The following ADGRL3 variants were observed in gnomAD, a reference collection of about 807,000 sequenced individuals.
ADGRL3 encodes the protein calcium-independent alpha-latrotoxin receptor 3.
ADGRL3 carries 62 observed loss-of-function variants against 153.5 expected under a neutral mutation model. The ratio of observed to expected loss-of-function variants is 0.40; its 90% CI spans 0.33 to 0.50. The LOEUF is 0.50. Ranked by LOEUF, ADGRL3 falls within the 20% of genes least tolerant of loss-of-function variation. ADGRL3 has a pLI of 0.47. For synonymous variants in ADGRL3, 710 were observed against 672.5 expected (o/e 1.06, Z -0.86); for missense variants, 1,641 against 1,859.4 (o/e 0.88, Z 2.16).
chr4:61,796,019 C>A (rs2097406682), intron 8 of ADGRL3, among the ~76,000 whole-genome samples: 1 of 151,966 alleles, frequency 6.6e-6, no homozygotes, highest in South Asian at 2.1e-4. Context: ...ATTTTTGTAT[C>A]TTTAGTAGAG....
chr4:61,313,191 A>G (rs1316839792), intron 1 of ADGRL3, among the ~76,000 whole-genome samples: 4 of 152,328 alleles, frequency 2.6e-5, no homozygotes, highest in South Asian at 2.1e-4. Context: ...ATTTTGGGAA[A>G]GGCAAGCTAT....
At chr4:61,734,142 AT>A (rs1438302292) in intron 8 of ADGRL3, among the ~76,000 whole-genome samples, 3 of 152,164 alleles carry the variant, frequency 2.0e-5, no homozygotes, top group African/African-American at 7.2e-5. Context: ...AGACATTGCA[AT>A]TTTTTATAGA....
At chr4:61,971,878 G>A (rs2099029226) in intron 17 of ADGRL3, among the ~76,000 whole-genome samples, 1 of 152,186 alleles carries the variant, frequency 6.6e-6, no homozygotes, top group Admixed American at 6.5e-5. Flanking sequence ...ATCTCATTGT[G>A]GTTTTGATTT....
At chr4:61,979,213 T>G (rs1050098965) in intron 17 of ADGRL3, among the ~76,000 whole-genome samples, 2 of 152,168 alleles carry the variant, frequency 1.3e-5, no homozygotes, top group African/African-American at 4.8e-5. Context: ...TGAAAATTAG[T>G]CTAAAAAAGT....
chr4:61,534,617 C>G (rs2098643836), intron 4 of ADGRL3, among the ~76,000 whole-genome samples: 1 of 152,028 alleles, frequency 6.6e-6, no homozygotes, highest in Non-Finnish European at 1.5e-5. Flanking sequence ...TTTCATTCAT[C>G]AGTGTTTTGT....
At chr4:61,995,836 A>G (rs944672721) in intron 19 of ADGRL3, among the ~76,000 whole-genome samples, 1 of 152,174 alleles carries the variant, frequency 6.6e-6, no homozygotes, top group Non-Finnish European at 1.5e-5. Context: ...CAATCTTCTG[A>G]TACCAAATTT....
intron 1 of ADGRL3, among the ~76,000 whole-genome samples, chr4:61,278,329 G>C (rs1345996248): frequency 1.3e-5 from 2 of 151,964 alleles, no homozygotes; most frequent in African/African-American, 4.8e-5. Context: ...TCAAAACCCT[G>C]GAGTTTTGAG....
chr4:61,362,909 T>C (rs1294778801), intron 1 of ADGRL3, among the ~76,000 whole-genome samples: 1 of 152,210 alleles, frequency 6.6e-6, no homozygotes, highest in Non-Finnish European at 1.5e-5. Context: ...TCTCCATGTC[T>C]ATTGCTAATG....
intron 25 of ADGRL3, among the ~76,000 whole-genome samples, chr4:62,051,131 G>GTA (rs1348674461): frequency 2.1e-5 from 3 of 139,670 alleles, no homozygotes; most frequent in East Asian, 2.1e-4. Context: ...ATATATATGT[G>GTA]TGTATATATA....
At chr4:62,008,737 AT>A (rs371209216) in intron 21 of ADGRL3, among the ~76,000 whole-genome samples, 37 of 151,680 alleles carry the variant, frequency 2.4e-4, no homozygotes, top group South Asian at 2.1e-3. Flanking sequence ...ATGTGTGTGT[AT>A]ATATAGATAC....
intron 1 of ADGRL3, among the ~76,000 whole-genome samples, chr4:61,254,626 A>C (rs546391148): frequency 1.3e-5 from 2 of 152,208 alleles, no homozygotes; most frequent in East Asian, 3.9e-4. Context: ...CCCTCACTGC[A>C]CGGTTGTACA....
intron 1 of ADGRL3, among the ~76,000 whole-genome samples, chr4:61,279,721 T>G (rs542509491): frequency 6.6e-6 from 1 of 152,242 alleles, no homozygotes; most frequent in African/African-American, 2.4e-5. Context: ...GTCCATCTAT[T>G]ATGTATATAT....
chr4:62,037,427 G>T (rs996309370), intron 23 of ADGRL3, among the ~76,000 whole-genome samples: 1 of 152,012 alleles, frequency 6.6e-6, no homozygotes, highest in African/African-American at 2.4e-5. Flanking sequence ...TCTTCAATGG[G>T]CTTAAGTATA....
At position 61,726,844 on chromosome 4, in the gene ADGRL3, A is replaced by G. The variant is rs376526572; in HGVS notation, c.584-3778A>G. ...TAGATTACAGAAATATGGGGGCATT[A>G]TTGGATTGTAACATTCTGCATTGTA... On this transcript the variant is annotated intron_variant, in intron 6 of 26. Coordinates refer to ENST00000683033, the MANE Select transcript of ADGRL3 (RefSeq NM_001387552.1). 3.3e-5 allele frequency among the ~76,000 whole-genome samples: 5 copies of G among 152,256 alleles called. No individual in the cohort carries two copies. In the East Asian group the frequency reaches 9.6e-4, roughly 29 times the overall value.
chr4:61,705,432 T>G (rs2095840769), intron 6 of ADGRL3, among the ~76,000 whole-genome samples: 1 of 148,838 alleles, frequency 6.7e-6, no homozygotes, highest in Admixed American at 6.7e-5. Context: ...GTTATATGTA[T>G]TAGTTATATG....
chr4:61,517,372 G>A lies in ADGRL3; in HGVS notation c.113G>A (p.Arg38His). 1.4e-6 allele frequency: 1 copy of A among 708,062 alleles called. No homozygotes were observed. The highest frequency in any genetic ancestry group is 2.6e-6 in the Non-Finnish European group (1 of 389,744). 43.9% of individuals were successfully genotyped at this position (708,062 alleles called of 1,614,324 possible). A position where few individuals can be genotyped will look rare whatever the true frequency, so the allele number is the denominator to read the frequency against. ...GCTGCTCCATTGCGACACGCTGAGC[G>A]CAGCCCAGGAGGCGCTCTTCCACCC... ...ALAAPLRHAE[R>H]SPGGALPPRH... Residue 38 changes from arginine to histidine, a missense_variant, in exon 4 of 27, where the codon CGC (arginine) becomes CAC (histidine). By Grantham distance (29) the Arg-to-His change is conservative (BLOSUM62 0). Around this residue, in one of 5 missense-constraint regions of ADGRL3, gnomAD observed 145 missense variants for 79.1 expected, o/e 1.83. Coordinates refer to ENST00000683033, the MANE Select transcript of ADGRL3 (RefSeq NM_001387552.1).
intron 2 of ADGRL3, among the ~76,000 whole-genome samples, chr4:61,462,103 C>T (rs2097827193): frequency 6.6e-6 from 1 of 151,976 alleles, no homozygotes; most frequent in South Asian, 2.1e-4. Flanking sequence ...CTTTTGCAAA[C>T]CTGGTAATCT....
chr4:61,220,451 C>T (rs1223793232), intron 1 of ADGRL3, among the ~76,000 whole-genome samples: 1 of 152,062 alleles, frequency 6.6e-6, no homozygotes, highest in Non-Finnish European at 1.5e-5. Flanking sequence ...ATTTTATGCT[C>T]TATATAATGG....
At chr4:61,955,884 G>T (rs554074082) in intron 17 of ADGRL3, among the ~76,000 whole-genome samples, 1 of 152,112 alleles carries the variant, frequency 6.6e-6, no homozygotes, top group African/African-American at 2.4e-5. Context: ...TTTTATGGCT[G>T]CATAGTATTT....
Sources: gnomAD v4.1 joint callset for allele counts (sites outside exome capture counted in the v4.1 genomes callset) on GRCh38, gnomAD v4.1.1 for gene constraint, gnomAD v4.1.1 regional missense constraint, MANE v1.5 for transcripts, NCBI Gene and HGNC (gene_info 2026-07-23, HGNC 2026-07-21) for gene names.